EXOSC7: variants seen among roughly 807,000 people sequenced by gnomAD.
EXOSC7 encodes exosome complex component RRP42.
In EXOSC7, 25 loss-of-function variants were observed where a neutral mutation model predicts 34.3. That is an observed-to-expected ratio of 0.73 (90% CI 0.53 to 1.02). The LOEUF is 1.02. EXOSC7 is among the 50% of genes least tolerant of loss of function. The pLI is 0.00. For synonymous variants in EXOSC7, 130 were observed against 143.0 expected (o/e 0.91, Z 0.65); for missense variants, 370 against 368.5 (o/e 1.00, Z -0.03).
intron 5 of EXOSC7, among the ~76,000 whole-genome samples, chr3:45,002,565 T>C (rs1028191484): frequency 6.6e-6 from 1 of 152,200 alleles, no homozygotes; most frequent in Non-Finnish European, 1.5e-5. Flanking sequence ...TGGTTTTTGT[T>C]TGTTGGTTTG....
At chr3:44,986,469 C>G (rs1351974250) in intron 1 of EXOSC7, among the ~76,000 whole-genome samples, 1 of 152,212 alleles carries the variant, frequency 6.6e-6, no homozygotes, top group East Asian at 1.9e-4. Context: ...GGTTCCCACC[C>G]ACGCCTCTCC....
intron 1 of EXOSC7, among the ~76,000 whole-genome samples, chr3:44,979,518 C>A (rs543847213): frequency 1.3e-5 from 2 of 152,244 alleles, no homozygotes; most frequent in Admixed American, 1.3e-4. Context: ...GTAACCAACA[C>A]ATCGGCTCAA....
intron 6 of EXOSC7, among the ~76,000 whole-genome samples, chr3:45,006,607 G>A (rs575031350): frequency 3.4e-5 from 5 of 148,312 alleles, no homozygotes; most frequent in Non-Finnish European, 7.4e-5. Flanking sequence ...TAGTAGAGAC[G>A]GGGTTTCACC....
At chr3:45,001,893 T>G in intron 5 of EXOSC7, 1 of 359,160 alleles carries the variant, frequency 2.8e-6, no homozygotes, top group South Asian at 3.6e-5. Context: ...CCAAGAAGAG[T>G]AGACACCACC....
chr3:44,989,180 G>A lies in EXOSC7; in HGVS notation c.98G>A (p.Arg33Gln), dbSNP rs1360724446. 6.8e-6 allele frequency: 11 copies of A among 1,614,128 alleles called. No individual in the cohort carries two copies. Among genetic ancestry groups the A allele is most frequent in the South Asian group, 4.4e-5 (4 of 91,070 alleles). Residue 33 changes from arginine (R) to glutamine (Q), a missense_variant, in exon 2 of 8, where the codon CGA (arginine) becomes CAA (glutamine). Transcript: ENST00000265564. ...GATGGCCGTGGCTGTGAGGACTACC[G>A]ATGTGTCGAAGTGGAAACTGATGTG... Reference protein sequence around the residue: ...RVDGRGCEDYRCVEVETDVVS... With the variant: ...RVDGRGCEDYQCVEVETDVVS...
At chr3:44,987,565 A>G (rs181566708) in intron 1 of EXOSC7, among the ~76,000 whole-genome samples, 92 of 152,352 alleles carry the variant, frequency 6.0e-4, no homozygotes, top group Admixed American at 3.5e-3. Flanking sequence ...CATAGTCTAA[A>G]AAAAAAGTTA....
chr3:44,988,437 CA>C (rs1475458825), intron 1 of EXOSC7, among the ~76,000 whole-genome samples: 2 of 152,150 alleles, frequency 1.3e-5, no homozygotes, highest in Non-Finnish European at 2.9e-5. Flanking sequence ...CATCTTCTGC[CA>C]AAAGAGTCAG....
At position 44,983,913 on chromosome 3, in the gene EXOSC7, T is replaced by A. The variant is rs141734279; in HGVS notation, c.58-5227T>A. 5.3e-4 allele frequency among the ~76,000 whole-genome samples: 80 copies of A among 152,272 alleles called. 5 individuals carry two copies. In the East Asian group the frequency reaches 0.014, roughly 28 times the overall value. On this transcript the variant is annotated intron_variant, in intron 1 of 7. Coordinates refer to ENST00000265564, the MANE Select transcript of EXOSC7 (RefSeq NM_015004.4). ...ACAGTGATTCATGGACTGGTTAGGT[T>A]GGTTTTTTTGGTTTGTTTTCCTCCT...
intron 3 of EXOSC7, among the ~76,000 whole-genome samples, chr3:44,992,600 A>C (rs1283101073): frequency 6.6e-6 from 1 of 152,222 alleles, no homozygotes; most frequent in Non-Finnish European, 1.5e-5. Flanking sequence ...CAGCACTGTC[A>C]CTAAACTGGG....
At chr3:44,993,094 G>C (rs1706615945) in intron 3 of EXOSC7, among the ~76,000 whole-genome samples, 1 of 152,144 alleles carries the variant, frequency 6.6e-6, no homozygotes, top group Admixed American at 6.5e-5. Flanking sequence ...GAGGGGCTGG[G>C]GGTGGGTACA....
intron 5 of EXOSC7, chr3:45,004,792 G>T (rs1202290187): frequency 6.6e-6 from 1 of 151,808 alleles, no homozygotes; most frequent in Non-Finnish European, 1.5e-5. Context: ...TATGTAATCT[G>T]TCAGGTAGTA....
intron 7 of EXOSC7, 61 bp downstream of exon 7, chr3:45,007,636 T>G: frequency 6.7e-7 from 1 of 1,484,504 alleles, no homozygotes; most frequent in Non-Finnish European, 9.0e-7. Flanking sequence ...TGCTTCCTGC[T>G]CCCTTGGTCA....
intron 1 of EXOSC7, among the ~76,000 whole-genome samples, chr3:44,982,154 A>G (rs1706288180): frequency 6.6e-6 from 1 of 152,134 alleles, no homozygotes; most frequent in Non-Finnish European, 1.5e-5. Context: ...GCTCCTCCAT[A>G]TCATGACCTG....
chr3:45,010,948 G>A (rs1176867204), intron 7 of EXOSC7, among the ~76,000 whole-genome samples: 2 of 152,246 alleles, frequency 1.3e-5, no homozygotes, highest in Admixed American at 6.5e-5. Context: ...AGTGAAGCAT[G>A]AGCTAATGGC....
chr3:44,980,885 A>G (rs1706253513), intron 1 of EXOSC7, among the ~76,000 whole-genome samples: 1 of 152,226 alleles, frequency 6.6e-6, no homozygotes, highest in South Asian at 2.1e-4. Context: ...AGTATCATAA[A>G]CGATTTACTC....
At chr3:45,004,096 A>G in intron 5 of EXOSC7, 1 of 152,194 alleles carries the variant, frequency 6.6e-6, no homozygotes, top group East Asian at 1.9e-4. Flanking sequence ...TCTTTGGTGC[A>G]CATATTTCTC....
Position 45,007,531 on chromosome 3 carries a change from G to C in EXOSC7, c.727G>C (p.Gly243Arg). 1.2e-6 allele frequency: 2 copies of C among 1,613,656 alleles called. No homozygotes were observed. Among genetic ancestry groups the C allele is most frequent in the Non-Finnish European group, 1.7e-6 (2 of 1,179,736 alleles). The change falls in exon 7 of 8, where the codon GGG becomes CGG. Residue 243 changes from glycine to arginine, a missense_variant. Around this residue, in one of 3 missense-constraint regions of EXOSC7, gnomAD observed 255 missense variants for 246.4 expected, o/e 1.03. Coordinates refer to ENST00000265564, the MANE Select transcript of EXOSC7 (RefSeq NM_015004.4). ...KGVVTCMRKVGKGSLDPESIF... is the reference protein window; with the variant it reads ...KGVVTCMRKVRKGSLDPESIF... Reference sequence around the variant, plus strand: ...AGTTGTGACGTGCATGAGGAAAGTGGGGAAGGGCAGCCTGGACCCAGAGAG... The same window carrying C: ...AGTTGTGACGTGCATGAGGAAAGTGCGGAAGGGCAGCCTGGACCCAGAGAG...
At chr3:44,987,391 C>A (rs1347906726) in intron 1 of EXOSC7, among the ~76,000 whole-genome samples, 3 of 152,160 alleles carry the variant, frequency 2.0e-5, no homozygotes, top group African/African-American at 4.8e-5. Context: ...TGTGGGGGAA[C>A]CCAAAATGGA....
chr3:44,996,902 C>G (rs901993198), intron 3 of EXOSC7, among the ~76,000 whole-genome samples, 185 bp from the exon 4 acceptor site: 2 of 152,234 alleles, frequency 1.3e-5, no homozygotes, highest in Admixed American at 1.3e-4. Flanking sequence ...CAGTGCTGGT[C>G]TGGTTCATTA....
Sources: allele counts gnomAD v4.1 joint callset (sites outside exome capture counted in the v4.1 genomes callset), GRCh38; gene constraint gnomAD v4.1.1; regional missense constraint gnomAD v4.1.1; transcripts MANE v1.5; gene names NCBI Gene and HGNC (gene_info 2026-07-23, HGNC 2026-07-21).